Variants in CPEB2 observed in about 807,000 individuals in gnomAD.
CPEB2 encodes cytoplasmic polyadenylation element binding protein 2, also known as cytoplasmic polyadenylation element-binding protein 2.
CPEB2 carries 56 observed loss-of-function variants against 93.6 expected under a neutral mutation model. The observed-to-expected ratio is 0.60, with a 90% confidence interval of 0.48 to 0.75. CPEB2 has a LOEUF of 0.75. Among genes scored for constraint, CPEB2 ranks in the 30% least tolerant of loss-of-function variants. The pLI is 0.00. For synonymous variants in CPEB2, 764 were observed against 586.3 expected, an observed-to-expected ratio of 1.30 and a Z score of -4.38; for missense variants, 1,579 against 1,395.1, an observed-to-expected ratio of 1.13 and a Z score of -2.10.
intron 6 of CPEB2, among the ~76,000 whole-genome samples, chr4:15,049,016 G>GA (rs1041057664): frequency 8.6e-5 from 13 of 151,570 alleles, no homozygotes; most frequent in African/African-American, 2.4e-4. Context: ...ATGGCTTCTT[G>GA]AAAAAAAGCA....
chr4:15,014,775 A>T (rs1278665093), intron 3 of CPEB2, among the ~76,000 whole-genome samples: 1 of 152,088 alleles, frequency 6.6e-6, no homozygotes, highest in Non-Finnish European at 1.5e-5. Context: ...CCTATTCTTA[A>T]TCAACTTAGA....
rs1729872044 is a variant in CPEB2 at position 15,068,550 on chromosome 4, AT to A, written c.*2175del. 1 of 152,136 alleles carries A rather than the reference AT, an allele frequency of 6.6e-6. No homozygotes were observed. The highest frequency in any genetic ancestry group is 2.1e-4 in the South Asian group (1 of 4,816). 9.4% of individuals were successfully genotyped at this position (152,136 alleles called of 1,614,324 possible). The stretch of plus-strand genomic sequence containing the variant: ...ATGACATCTCCTTTGCTATACCTCA[AT>A]TTTTGGAATTTAGAGAAGAAATCAG... On this transcript the variant is annotated 3_prime_UTR_variant, in exon 12 of 12. Transcript: ENST00000538197.
intron 4 of CPEB2, among the ~76,000 whole-genome samples, chr4:15,032,852 G>T (rs75055096): frequency 2.0e-5 from 3 of 151,950 alleles, no homozygotes; most frequent in Non-Finnish European, 2.9e-5. Context: ...TGCAAGACTA[G>T]GATATGATAG....
chr4:15,007,304 G>A lies in CPEB2; in HGVS notation c.1663-1G>A. On this transcript the variant is annotated splice_acceptor_variant, in intron 1 of 11. Coordinates refer to ENST00000538197, the MANE Select transcript of CPEB2 (RefSeq NM_001177382.2). LOFTEE classifies it high-confidence loss of function. The stretch of plus-strand genomic sequence containing the variant: ...AATTTAAATAGCTATGTTTTCCCTA[G>A]CCTCTTCTGAAACAGTCTCCCTGGA... The A allele has an allele frequency of 1.4e-6, 2 of 1,464,498 alleles. No homozygotes were observed. The highest frequency in any genetic ancestry group is 2.4e-5 in the East Asian group (1 of 40,852). 90.7% of individuals were successfully genotyped at this position (1,464,498 alleles called of 1,614,324 possible). A position where few individuals can be genotyped will look rare whatever the true frequency, so the allele number is the denominator to read the frequency against.
chr4:15,008,870 C>T (rs1454895077), intron 3 of CPEB2, among the ~76,000 whole-genome samples: 1 of 152,092 alleles, frequency 6.6e-6, no homozygotes, highest in Non-Finnish European at 1.5e-5. Context: ...CTAAAAAAGA[C>T]TTCTCTTGGT....
chr4:15,042,627 A>T (rs1403646283), intron 6 of CPEB2, among the ~76,000 whole-genome samples: 2 of 152,206 alleles, frequency 1.3e-5, no homozygotes, highest in Non-Finnish European at 2.9e-5. Context: ...TACTTTTAAA[A>T]TTTTGATTGT....
rs1393678185 is a variant in CPEB2 at position 15,002,871 on chromosome 4, C to T, written c.198C>T (p.Ser66=). 6.5e-7 allele frequency: 1 copy of T among 1,528,994 alleles called. No homozygotes were observed. Among genetic ancestry groups the T allele is most frequent in the South Asian group, 1.2e-5 (1 of 83,024 alleles). The allele number at this position is 1,528,994 out of a possible 1,614,324, so 94.7% of individuals were successfully genotyped here. A position where few individuals can be genotyped will look rare whatever the true frequency, so the allele number is the denominator to read the frequency against. ...TGFLEAASPF[S]VPLGGGAGSP... ...TCTTAGAGGCCGCCTCCCCCTTCTC[C>T]GTCCCCCTCGGCGGCGGCGCGGGCA... The change falls in exon 1 of 12, where the codon TCC becomes TCT. Residue 66 remains serine (S), a synonymous_variant. Transcript: ENST00000538197.
Position 15,060,691 on chromosome 4 carries a change from AT to A in CPEB2, c.2696-1385del, listed in dbSNP as rs1406123018. On this transcript the variant is annotated intron_variant, in intron 10 of 11. Transcript: ENST00000538197. ...CACCATTCAGAGCTCCCAAATAGAAATTTCAATTAAACCATGGTATATGGTA... is the reference window on the plus strand; with the variant it reads ...CACCATTCAGAGCTCCCAAATAGAAATTCAATTAAACCATGGTATATGGTA... Among the ~76,000 whole-genome samples the A allele has an allele frequency of 1.2e-4, 19 of 152,206 alleles. 2 individuals carry two copies. In the South Asian group the frequency reaches 2.5e-3, roughly 20 times the overall value.
chr4:15,050,931 A>G (rs905373789), intron 6 of CPEB2, among the ~76,000 whole-genome samples: 3 of 152,154 alleles, frequency 2.0e-5, no homozygotes, highest in African/African-American at 4.8e-5. Flanking sequence ...CTTCCTTTTC[A>G]GCTTCCTACT....
At chr4:15,049,565 AT>A (rs1481495744) in intron 6 of CPEB2, among the ~76,000 whole-genome samples, 1 of 152,152 alleles carries the variant, frequency 6.6e-6, no homozygotes, top group Non-Finnish European at 1.5e-5. Context: ...AATTAATATT[AT>A]TTTTAGTGGA....
rs2702518 is a variant in CPEB2 at position 15,038,417 on chromosome 4, A to G, written c.2177-2047A>G. ...TTTTTATTTGCTTTGTAAATGTTCA[A>G]TTCTCTACACCTATGAATGAAATTT... On this transcript the variant is annotated intron_variant, in intron 5 of 11. Coordinates refer to ENST00000538197, the MANE Select transcript of CPEB2 (RefSeq NM_001177382.2). 7.6e-3 allele frequency among the ~76,000 whole-genome samples: 1,157 copies of G among 152,250 alleles called. 15 individuals are homozygous for G. Among genetic ancestry groups the G allele is most frequent in the African/African-American group, 0.026 (1,085 of 41,536 alleles).
Position 15,017,278 on chromosome 4 carries a change from G to C in CPEB2, c.2125G>C (p.Gly709Arg), listed in dbSNP as rs771450518. 1 of 1,547,786 alleles carries C rather than the reference G, an allele frequency of 6.5e-7. No homozygotes were observed. The highest frequency in any genetic ancestry group is 1.2e-5 in the South Asian group (1 of 86,284). Reference protein sequence around the residue: ...IMRAEHDPLKGRLSYPHPGTD... With the variant: ...IMRAEHDPLKRRLSYPHPGTD... ...GAGAGCAGAGCATGATCCTCTTAAG[G>C]GTAGGTGACTTTTTAAAAAAATATA... Residue 709 changes from glycine to arginine, a missense_variant and splice_region_variant, in exon 4 of 12, where the codon GGT (glycine) becomes CGT (arginine). This residue lies in a region of CPEB2 where 1,411 missense variants were observed against 1,056.0 expected (regional missense o/e 1.34). Transcript: ENST00000538197.
At chr4:15,061,155 G>T (rs1729155210) in intron 10 of CPEB2, among the ~76,000 whole-genome samples, 1 of 152,132 alleles carries the variant, frequency 6.6e-6, no homozygotes, top group Non-Finnish European at 1.5e-5. Context: ...GCATGTACAA[G>T]TCTGGCATCC....
intron 6 of CPEB2, among the ~76,000 whole-genome samples, chr4:15,050,467 C>A (rs1341290991): frequency 1.3e-5 from 2 of 152,112 alleles, no homozygotes; most frequent in Non-Finnish European, 2.9e-5. Context: ...GAAAGAAAAA[C>A]AACTTGTCCA....
intron 11 of CPEB2, among the ~76,000 whole-genome samples, 166 bp from the exon 12 acceptor site, chr4:15,065,987 A>G (rs936947453): frequency 4.6e-5 from 7 of 152,098 alleles, no homozygotes; most frequent in African/African-American, 1.7e-4. Context: ...ATAGATTTTT[A>G]AAGTGTTTTA....
intron 3 of CPEB2, among the ~76,000 whole-genome samples, chr4:15,011,540 T>C (rs764595671): frequency 3.3e-5 from 5 of 152,158 alleles, no homozygotes; most frequent in Non-Finnish European, 7.4e-5. Flanking sequence ...GATCCAGCAA[T>C]GTGCACTACT....
At chr4:15,018,234 A>G (rs1724393132) in intron 4 of CPEB2, among the ~76,000 whole-genome samples, 1 of 151,870 alleles carries the variant, frequency 6.6e-6, no homozygotes, top group Non-Finnish European at 1.5e-5. Context: ...CCTAAAAACT[A>G]TAAACTTCCT....
At chr4:15,054,771 G>T (rs1326314623) in intron 8 of CPEB2, among the ~76,000 whole-genome samples, 1 of 152,132 alleles carries the variant, frequency 6.6e-6, no homozygotes, top group African/African-American at 2.4e-5. Context: ...CATCTGTGGG[G>T]AGAGGAAGTA....
intron 6 of CPEB2, among the ~76,000 whole-genome samples, chr4:15,045,689 G>C (rs1560243842): frequency 6.6e-6 from 1 of 151,972 alleles, no homozygotes; most frequent in Non-Finnish European, 1.5e-5. Flanking sequence ...AATATCTTTA[G>C]GGTTCTCTTA....
Sources: allele counts gnomAD v4.1 joint callset (sites outside exome capture counted in the v4.1 genomes callset), GRCh38; gene constraint gnomAD v4.1.1; regional missense constraint gnomAD v4.1.1; transcripts MANE v1.5; gene names NCBI Gene and HGNC (gene_info 2026-07-23, HGNC 2026-07-21).